BBS9: variants seen among roughly 807,000 people sequenced by gnomAD.
BBS9 encodes the protein Bardet-Biedl syndrome 9, also known as protein PTHB1.
A neutral mutation model predicts 117.7 loss-of-function variants in BBS9; 89 were observed. The observed-to-expected ratio is 0.76, with a 90% confidence interval of 0.64 to 0.90. The LOEUF is 0.90. Among genes scored for constraint, BBS9 ranks in the 40% least tolerant of loss-of-function variants. BBS9 has a pLI of 0.00. For synonymous variants in BBS9, 379 were observed against 370.9 expected, an observed-to-expected ratio of 1.02 and a Z score of -0.25; for missense variants, 982 against 1,042.2, an observed-to-expected ratio of 0.94 and a Z score of 0.80.
At chr7:33,548,808 T>G (rs1163613063) in intron 21 of BBS9, among the ~76,000 whole-genome samples, 1 of 150,556 alleles carries the variant, frequency 6.6e-6, no homozygotes, top group Non-Finnish European at 1.5e-5. Context: ...CATTCCATGC[T>G]CATGGGTAGG....
intron 16 of BBS9, among the ~76,000 whole-genome samples, chr7:33,364,607 T>C (rs1398660630): frequency 6.7e-6 from 1 of 150,048 alleles, no homozygotes; most frequent in Non-Finnish European, 1.5e-5. Context: ...TGTTCTTCCT[T>C]ATATTTTCCC....
chr7:33,273,762 A>G, intron 8 of BBS9, 65 bp from the exon 9 acceptor site: 1 of 1,492,404 alleles, frequency 6.7e-7, no homozygotes. Context: ...CAATTTCCTA[A>G]AAGAGATATA....
At chr7:33,358,484 G>T (rs1228875090) in intron 16 of BBS9, among the ~76,000 whole-genome samples, 2 of 151,786 alleles carry the variant, frequency 1.3e-5, no homozygotes, top group Non-Finnish European at 3.0e-5. Flanking sequence ...GCAGCTAGAG[G>T]GTGTGCATCC....
At chr7:33,358,034 T>C in intron 16 of BBS9, 39 bp downstream of exon 16, 1 of 1,596,486 alleles carries the variant, frequency 6.3e-7, no homozygotes, top group Non-Finnish European at 8.6e-7. Flanking sequence ...GCATCAAAAA[T>C]GCTAAGAATT....
intron 5 of BBS9, among the ~76,000 whole-genome samples, chr7:33,183,139 A>C (rs1367222567): frequency 2.6e-5 from 4 of 152,136 alleles, no homozygotes; most frequent in Admixed American, 6.5e-5. Flanking sequence ...CAAAAGTAAA[A>C]AATGTGAGAG....
intron 21 of BBS9, among the ~76,000 whole-genome samples, chr7:33,613,218 G>A (rs755081569): frequency 6.6e-6 from 1 of 152,088 alleles, no homozygotes; most frequent in Non-Finnish European, 1.5e-5. Flanking sequence ...TGGGGGGCCT[G>A]TCCCACCTGT....
At chr7:33,133,980 C>A (rs572877987) in intron 1 of BBS9, among the ~76,000 whole-genome samples, 1 of 152,084 alleles carries the variant, frequency 6.6e-6, no homozygotes, top group South Asian at 2.1e-4. Context: ...TATCTGACTT[C>A]GATTCTGTCA....
chr7:33,493,843 G>T (rs56905036), intron 19 of BBS9, among the ~76,000 whole-genome samples: 2 of 152,204 alleles, frequency 1.3e-5, no homozygotes, highest in Non-Finnish European at 2.9e-5. Flanking sequence ...GAGGGTCTGA[G>T]TATAAAAATA....
intron 5 of BBS9, among the ~76,000 whole-genome samples, chr7:33,224,955 A>G (rs964365203): frequency 5.3e-5 from 8 of 152,186 alleles, no homozygotes; most frequent in African/African-American, 1.9e-4. Flanking sequence ...AATTTTTATT[A>G]TGTAACGGAA....
At chr7:33,349,275 G>T in intron 13 of BBS9, 105 bp downstream of exon 13, 1 of 824,264 alleles carries the variant, frequency 1.2e-6, no homozygotes, top group Non-Finnish European at 2.1e-6. Flanking sequence ...GGTGAGATTG[G>T]GATCGTCCCA....
intron 10 of BBS9, among the ~76,000 whole-genome samples, 191 bp from the exon 11 acceptor site, chr7:33,340,706 T>A (rs1421126500): frequency 6.6e-6 from 1 of 152,130 alleles, no homozygotes; most frequent in Non-Finnish European, 1.5e-5. Context: ...AAAAAGACAA[T>A]ATTTTTTACC....
intron 20 of BBS9, among the ~76,000 whole-genome samples, chr7:33,529,746 C>T (rs1563312416): frequency 6.6e-6 from 1 of 152,156 alleles, no homozygotes; most frequent in Non-Finnish European, 1.5e-5. Flanking sequence ...TCATTTCTCA[C>T]TGAAGAGCAC....
intron 19 of BBS9, among the ~76,000 whole-genome samples, chr7:33,480,863 C>T (rs1389966141): frequency 6.6e-6 from 1 of 152,114 alleles, no homozygotes; most frequent in Non-Finnish European, 1.5e-5. Context: ...ATGATGTTCT[C>T]ATGATAGTGA....
chr7:33,171,213 G>A (rs1215891713), intron 4 of BBS9, among the ~76,000 whole-genome samples: 1 of 151,998 alleles, frequency 6.6e-6, no homozygotes, highest in East Asian at 1.9e-4. Flanking sequence ...ATACTACAAG[G>A]CTACAGTAAC....
chr7:33,367,938 A>G (rs1023436552), intron 17 of BBS9, 76 bp downstream of exon 17: 4 of 1,136,212 alleles, frequency 3.5e-6, no homozygotes, highest in Middle Eastern at 2.5e-4. Flanking sequence ...ACTCACATCA[A>G]TAATTCCTGC....
At chr7:33,617,593 A>T (rs1038966320) in intron 21 of BBS9, among the ~76,000 whole-genome samples, 2 of 151,842 alleles carry the variant, frequency 1.3e-5, no homozygotes, top group Admixed American at 6.6e-5. Flanking sequence ...AATTCAAATT[A>T]ATCATCTTAA....
chr7:33,177,435 A>G, intron 4 of BBS9, 43 bp from the exon 5 acceptor site: 1 of 1,278,516 alleles, frequency 7.8e-7, no homozygotes, highest in South Asian at 1.2e-5. Context: ...AATGTTTTTT[A>G]GTGTACACAA....
chr7:33,336,398 C>G, intron 9 of BBS9, 43 bp from the exon 10 acceptor site: 3 of 1,539,732 alleles, frequency 1.9e-6, no homozygotes, highest in Non-Finnish European at 2.7e-6. Flanking sequence ...ACTAACTCTA[C>G]TGAAATTTAA....
chr7:33,286,061 A>G (rs1396938788), intron 9 of BBS9, among the ~76,000 whole-genome samples: 1 of 152,124 alleles, frequency 6.6e-6, no homozygotes, highest in African/African-American at 2.4e-5. Flanking sequence ...TGTATAGCCA[A>G]GGATAAGTAG....
Sources: allele counts gnomAD v4.1 joint callset (sites outside exome capture counted in the v4.1 genomes callset), GRCh38; gene constraint gnomAD v4.1.1; transcripts MANE v1.5; gene names NCBI Gene and HGNC (gene_info 2026-07-23, HGNC 2026-07-21).